The following POC5 variants were observed in gnomAD, a reference collection of about 807,000 sequenced individuals.
POC5 encodes the protein centrosomal protein POC5.
A neutral mutation model predicts 62.9 loss-of-function variants in POC5; 48 were observed. That is an observed-to-expected ratio of 0.76 (90% CI 0.61 to 0.97). The LOEUF (loss-of-function observed/expected upper bound fraction) is 0.97, where lower values mean the gene tolerates loss of function less well. Ranked by LOEUF, POC5 falls within the 50% of genes least tolerant of loss-of-function variation. The pLI is 0.00. For missense variants in POC5, 696 were observed against 679.5 expected (o/e 1.02, Z -0.27); for synonymous variants, 236 against 228.2 (o/e 1.03, Z -0.31).
At chr5:75,713,382 A>G (rs1347147397) in intron 1 of POC5, among the ~76,000 whole-genome samples, 1 of 152,246 alleles carries the variant, frequency 6.6e-6, no homozygotes, top group Non-Finnish European at 1.5e-5. Flanking sequence ...ACAGAATCAA[A>G]TATATGCATA....
intron 3 of POC5, among the ~76,000 whole-genome samples, chr5:75,706,944 TGA>T (rs1580057488): frequency 6.6e-6 from 1 of 152,150 alleles, no homozygotes; most frequent in African/African-American, 2.4e-5. Context: ...CTACAGAGAA[TGA>T]GAGACAACAG....
intron 6 of POC5, among the ~76,000 whole-genome samples, 198 bp downstream of exon 6, chr5:75,694,457 A>C (rs974302328): frequency 6.6e-6 from 1 of 152,238 alleles, no homozygotes; most frequent in East Asian, 1.9e-4. Context: ...CATCAAGAAC[A>C]CAGAAGTCAA....
chr5:75,716,475 CA>C (rs372202739), intron 1 of POC5, among the ~76,000 whole-genome samples: 20 of 150,060 alleles, frequency 1.3e-4, no homozygotes, highest in African/African-American at 4.7e-4. Context: ...ACTGCAGACA[CA>C]AAAAAACCCA....
chr5:75,701,388 C>A (rs1776872542), intron 5 of POC5, among the ~76,000 whole-genome samples: 1 of 128,660 alleles, frequency 7.8e-6, no homozygotes, highest in African/African-American at 2.7e-5. Flanking sequence ...TACTATGCAG[C>A]CATAAAAAAT....
At position 75,690,418 on chromosome 5, in the gene POC5, G is replaced by C; in HGVS notation, c.940C>G (p.Gln314Glu). ...TTGGCTTCATAATCATTGGAAATCT[G>C]GATACAAACTTCTTCAGCTCTTGCT... is the stretch of plus-strand genomic sequence containing the variant. The part of the protein sequence containing the change: ...CQARAEEVCI[Q>E]ISNDYEAKVA... Residue 314 changes from glutamine (Q) to glutamate (E), a missense_variant, in exon 8 of 12, where the codon CAG becomes GAG. Physicochemically the swap from Gln to Glu is conservative, Grantham distance 29. Coordinates refer to ENST00000428202, the MANE Select transcript of POC5 (RefSeq NM_001099271.2). The C allele has an allele frequency of 1.2e-6, 2 of 1,611,798 alleles. No homozygotes were observed. Among genetic ancestry groups the C allele is most frequent in the Non-Finnish European group, 1.7e-6 (2 of 1,179,052 alleles).
chr5:75,690,425 A>T lies in POC5; in HGVS notation c.933T>A (p.Val311=). Reference sequence around the variant, plus strand: ...CATAATCATTGGAAATCTGGATACAAACTTCTTCAGCTCTTGCTTGACAAG... The same window carrying T: ...CATAATCATTGGAAATCTGGATACATACTTCTTCAGCTCTTGCTTGACAAG... ...ERACQARAEE[V]CIQISNDYEA... The change falls in exon 8 of 12, where the codon GTT becomes GTA. Residue 311 remains valine, a synonymous_variant. Transcript: ENST00000428202. 1 of 1,612,324 alleles carries T rather than the reference A, an allele frequency of 6.2e-7. No homozygotes were observed. Among genetic ancestry groups the T allele is most frequent in the Non-Finnish European group, 8.5e-7 (1 of 1,179,244 alleles).
intron 9 of POC5, 105 bp downstream of exon 9, chr5:75,688,907 A>T (rs1776202736): frequency 1.1e-5 from 12 of 1,127,946 alleles, no homozygotes; most frequent in Non-Finnish European, 1.2e-6. Flanking sequence ...ACCTGGATGA[A>T]ACATACCTAC....
chr5:75,701,970 C>T (rs1304392151), intron 5 of POC5, among the ~76,000 whole-genome samples: 1 of 152,160 alleles, frequency 6.6e-6, no homozygotes, highest in Non-Finnish European at 1.5e-5. Flanking sequence ...CACAGTATGT[C>T]TCAGTTACAC....
At chr5:75,703,858 T>TA (rs757731543) in intron 4 of POC5, among the ~76,000 whole-genome samples, 19 of 150,660 alleles carry the variant, frequency 1.3e-4, no homozygotes, top group Non-Finnish European at 2.4e-4. Flanking sequence ...TATCTATTTC[T>TA]AAAAAAGCAC....
chr5:75,697,463 A>G (rs1009881668), intron 5 of POC5, among the ~76,000 whole-genome samples: 5 of 152,164 alleles, frequency 3.3e-5, no homozygotes, highest in Non-Finnish European at 5.9e-5. Context: ...ACTAAGCTTC[A>G]TAAGTGAAGG....
Position 75,696,701 on chromosome 5 carries a change from C to A in POC5, c.514-1870G>T, listed in dbSNP as rs559267505. 6.1e-3 allele frequency among the ~76,000 whole-genome samples: 935 copies of A among 152,316 alleles called. 14 individuals carry two copies. Among genetic ancestry groups the A allele is most frequent in the African/African-American group, 0.022 (897 of 41,558 alleles). The stretch of plus-strand genomic sequence containing the variant: ...GTTCCTCACCAGCAACGGAACAAAG[C>A]TGGATGGAGAATGACTTTGACGAGC... On this transcript the variant is annotated intron_variant, in intron 5 of 11. Transcript: ENST00000428202.
chr5:75,675,514 A>G (rs1251020031), intron 11 of POC5, among the ~76,000 whole-genome samples: 1 of 152,248 alleles, frequency 6.6e-6, no homozygotes, highest in African/African-American at 2.4e-5. Context: ...AAAAAGAATG[A>G]AACTTCTTAA....
chr5:75,678,822 T>G (rs554245469), intron 10 of POC5, among the ~76,000 whole-genome samples: 1 of 152,292 alleles, frequency 6.6e-6, no homozygotes, highest in East Asian at 1.9e-4. Context: ...TAGCTTTTGC[T>G]GCTTATCGCT....
chr5:75,693,584 A>C (rs967233292), intron 6 of POC5, among the ~76,000 whole-genome samples: 1 of 152,298 alleles, frequency 6.6e-6, no homozygotes, highest in Admixed American at 6.5e-5. Context: ...CAGAATTTTG[A>C]GTATAACAAA....
chr5:75,702,113 G>A (rs1361374581), intron 5 of POC5, among the ~76,000 whole-genome samples: 2 of 152,020 alleles, frequency 1.3e-5, no homozygotes, highest in Admixed American at 6.5e-5. Flanking sequence ...TGACAGAAAT[G>A]AGAACACATG....
chr5:75,708,109 C>G (rs765160038), intron 2 of POC5, among the ~76,000 whole-genome samples: 1 of 152,152 alleles, frequency 6.6e-6, no homozygotes, highest in Non-Finnish European at 1.5e-5. Flanking sequence ...CCTGTAAACT[C>G]AGCACTTTGA....
chr5:75,699,366 C>G lies in POC5; in HGVS notation c.513+3239G>C, dbSNP rs576350135. Among the ~76,000 whole-genome samples, 876 of 152,052 alleles carry G rather than the reference C, an allele frequency of 5.8e-3. 5 individuals carry two copies. Among genetic ancestry groups the G allele is most frequent in the African/African-American group, 0.02 (815 of 41,464 alleles). On this transcript the variant is annotated intron_variant, in intron 5 of 11. Transcript: ENST00000428202. ...CCAGCAGCACATCAAAAAGCTTATC[C>G]ACCATGATCAAGTGGGCTTCATCCC... is the stretch of plus-strand genomic sequence containing the variant.
chr5:75,688,216 A>G (rs1423497728), intron 9 of POC5, among the ~76,000 whole-genome samples: 1 of 152,256 alleles, frequency 6.6e-6, no homozygotes, highest in Non-Finnish European at 1.5e-5. Context: ...GACTTGAATT[A>G]AAACTATTAA....
At chr5:75,680,334 A>C (rs1290501965) in intron 10 of POC5, among the ~76,000 whole-genome samples, 1 of 152,174 alleles carries the variant, frequency 6.6e-6, no homozygotes, top group East Asian at 1.9e-4. Flanking sequence ...AGAAGTCTGG[A>C]CTGAAGAAAA....
Sources: gnomAD v4.1 joint callset for allele counts (sites outside exome capture counted in the v4.1 genomes callset) on GRCh38, gnomAD v4.1.1 for gene constraint, MANE v1.5 for transcripts, NCBI Gene and HGNC (gene_info 2026-07-23, HGNC 2026-07-21) for gene names.